NCOA2: variants seen among roughly 807,000 people sequenced by gnomAD.
NCOA2 encodes class E basic helix-loop-helix protein 75.
Under a neutral mutation model 145.1 loss-of-function variants are expected in NCOA2, and 21 were observed. That is an observed-to-expected ratio of 0.14 (90% CI 0.10 to 0.21). The LOEUF (loss-of-function observed/expected upper bound fraction) is 0.21. Ranked by LOEUF, NCOA2 falls within the 10% of genes least tolerant of loss-of-function variation. The pLI is 1.00. For missense variants in NCOA2, 1,472 were observed against 1,837.6 expected (o/e 0.80, Z 3.64); for synonymous variants, 619 against 637.5 (o/e 0.97, Z 0.44).
chr8:70,111,439 G>C lies in NCOA2; in HGVS notation c.*2193C>G. 4.6e-6 allele frequency: 1 copy of C among 219,378 alleles called. No homozygotes were observed. Among genetic ancestry groups the C allele is most frequent in the Non-Finnish European group, 9.2e-6 (1 of 109,280 alleles). The allele number at this position is 219,378 out of a possible 1,614,324, so 13.6% of individuals were successfully genotyped here. A position where few individuals can be genotyped will look rare whatever the true frequency, so the allele number is the denominator to read the frequency against. The stretch of plus-strand genomic sequence containing the variant: ...GTATGCCACATGAGCCTCAGCCCAC[G>C]GGGAGGTCCTGGAGTTCTGGGCCAA... On this transcript the variant is annotated 3_prime_UTR_variant, in exon 23 of 23. Transcript: ENST00000452400.
chr8:70,137,772 C>T (rs1809907586), intron 15 of NCOA2, among the ~76,000 whole-genome samples: 1 of 152,222 alleles, frequency 6.6e-6, no homozygotes. Context: ...TCCTCTGTCA[C>T]CCACTGCCTC....
chr8:70,378,470 A>G (rs1232887323), intron 1 of NCOA2, among the ~76,000 whole-genome samples: 1 of 152,014 alleles, frequency 6.6e-6, no homozygotes, highest in African/African-American at 2.4e-5. Flanking sequence ...ATGTTTCTTC[A>G]CAGATGGCTG....
intron 15 of NCOA2, among the ~76,000 whole-genome samples, chr8:70,132,399 C>T (rs551515976): frequency 6.6e-6 from 1 of 152,258 alleles, no homozygotes; most frequent in East Asian, 1.9e-4. Context: ...GTAGGAATCA[C>T]GGATTGACTT....
At chr8:70,128,297 G>T in intron 18 of NCOA2, 136 bp downstream of exon 18, 1 of 680,572 alleles carries the variant, frequency 1.5e-6, no homozygotes, top group Non-Finnish European at 2.5e-6. Context: ...ACACTAGTAG[G>T]TAACTAGATG....
intron 9 of NCOA2, among the ~76,000 whole-genome samples, chr8:70,160,682 G>GAGAGAGAGAGGGA (rs371258460): frequency 0.04 from 2,349 of 58,214 alleles, 27 homozygotes; most frequent in Middle Eastern, 0.068. Flanking sequence ...AGAGAGAGAG[G>GAGAGAGAGAGGGA]GAGAGAGAGA....
At chr8:70,450,981 T>C in the NCOA2 span, among the ~76,000 whole-genome samples, 5 of 150,868 alleles carry the variant, frequency 3.3e-5, no homozygotes, top group East Asian at 9.8e-4. Context: ...CTTTGGGAGC[T>C]GAGTAGGGCG....
chr8:70,129,936 C>T (rs754981730), intron 16 of NCOA2, among the ~76,000 whole-genome samples: 13 of 152,208 alleles, frequency 8.5e-5, no homozygotes, highest in Non-Finnish European at 1.9e-4. Flanking sequence ...TCCCAAAGTG[C>T]TGGGATTACA....
At chr8:70,270,859 G>C (rs1350859270) in intron 2 of NCOA2, among the ~76,000 whole-genome samples, 1 of 152,070 alleles carries the variant, frequency 6.6e-6, no homozygotes, top group Non-Finnish European at 1.5e-5. Context: ...AAATATGTTT[G>C]CATAGTTATT....
intron 2 of NCOA2, among the ~76,000 whole-genome samples, chr8:70,290,661 T>C (rs550562076): frequency 6.6e-6 from 1 of 152,210 alleles, no homozygotes; most frequent in African/African-American, 2.4e-5. Context: ...TCAAAATAAA[T>C]AGAAATACCT....
At chr8:70,255,400 GAAT>G (rs1006533620) in intron 2 of NCOA2, among the ~76,000 whole-genome samples, 4 of 152,136 alleles carry the variant, frequency 2.6e-5, no homozygotes, top group Middle Eastern at 3.2e-3. Flanking sequence ...AGAAATGAAA[GAAT>G]AATAATTTAG....
At chr8:70,163,438 T>C in intron 8 of NCOA2, 27 bp downstream of exon 8, 1 of 1,509,886 alleles carries the variant, frequency 6.6e-7, no homozygotes, top group Non-Finnish European at 9.2e-7. Context: ...AATGATTCCT[T>C]TGGTCTTCTT....
chr8:70,214,206 G>A, intron 3 of NCOA2, 131 bp from the exon 4 acceptor site: 3 of 871,032 alleles, frequency 3.4e-6, no homozygotes, highest in Non-Finnish European at 5.2e-6. Flanking sequence ...AATACTTTTG[G>A]GGGAAAAACA....
the NCOA2 span, among the ~76,000 whole-genome samples, chr8:70,428,546 C>A: frequency 6.6e-6 from 1 of 152,146 alleles, no homozygotes; most frequent in African/African-American, 2.4e-5. Flanking sequence ...ATTGCTGGAG[C>A]CCAGGAGGTC....
At chr8:70,133,371 T>C (rs925842139) in intron 15 of NCOA2, among the ~76,000 whole-genome samples, 10 of 151,952 alleles carry the variant, frequency 6.6e-5, no homozygotes, top group African/African-American at 2.4e-4. Context: ...ATTTGATGTG[T>C]ACCACCACGC....
intron 5 of NCOA2, among the ~76,000 whole-genome samples, chr8:70,172,980 T>C (rs915083365): frequency 2.0e-5 from 3 of 152,188 alleles, no homozygotes; most frequent in Non-Finnish European, 2.9e-5. Flanking sequence ...AACAGCTCCA[T>C]GAGAACATGT....
At chr8:70,247,157 C>T (rs1307772883) in intron 2 of NCOA2, among the ~76,000 whole-genome samples, 2 of 152,012 alleles carry the variant, frequency 1.3e-5, no homozygotes, top group African/African-American at 4.8e-5. Flanking sequence ...TGAAGGGAAC[C>T]ATGGCCACTC....
At chr8:70,420,019 G>A in the NCOA2 span, among the ~76,000 whole-genome samples, 1 of 152,188 alleles carries the variant, frequency 6.6e-6, no homozygotes. Context: ...TTTATCATAT[G>A]TGCTGGAGTA....
At chr8:70,147,745 A>G (rs1811261153) in intron 12 of NCOA2, among the ~76,000 whole-genome samples, 2 of 152,362 alleles carry the variant, frequency 1.3e-5, no homozygotes, top group South Asian at 2.1e-4. Context: ...TTCCTGAGAC[A>G]GGGCAAGATT....
chr8:70,319,859 C>T (rs1250609428), intron 1 of NCOA2, among the ~76,000 whole-genome samples: 2 of 152,028 alleles, frequency 1.3e-5, no homozygotes, highest in Non-Finnish European at 2.9e-5. Context: ...AAATAAATTG[C>T]TTGATACATG....
Sources: allele counts gnomAD v4.1 joint callset (sites outside exome capture counted in the v4.1 genomes callset), GRCh38; gene constraint gnomAD v4.1.1; transcripts MANE v1.5; gene names NCBI Gene and HGNC (gene_info 2026-07-23, HGNC 2026-07-21).